Variants in ATRN observed in about 807,000 individuals in gnomAD.
ATRN encodes the protein attractin, also known as attractin-2.
In ATRN, 54 loss-of-function variants were observed where a neutral mutation model predicts 178.7. The observed-to-expected ratio is 0.30, with a 90% CI of 0.24 to 0.38. The LOEUF is 0.38. ATRN is among the 10% of genes least tolerant of loss of function. The probability of loss-of-function intolerance (pLI) is 1.00; values close to 1 mark genes in which losing one functional copy is unlikely to be tolerated. For synonymous variants in ATRN, 636 were observed against 663.0 expected, an observed-to-expected ratio of 0.96 and a Z score of 0.63; for missense variants, 1,443 against 1,815.1, an observed-to-expected ratio of 0.79 and a Z score of 3.73.
At chr20:3,537,323 A>G (rs745542825) in intron 2 of ATRN, among the ~76,000 whole-genome samples, 1 of 152,172 alleles carries the variant, frequency 6.6e-6, no homozygotes, top group Non-Finnish European at 1.5e-5. Flanking sequence ...CCAACTCTGA[A>G]TAACCGTAGT....
chr20:3,586,905 T>C (rs1418052272), intron 18 of ATRN, among the ~76,000 whole-genome samples: 2 of 152,220 alleles, frequency 1.3e-5, no homozygotes, highest in Non-Finnish European at 2.9e-5. Flanking sequence ...CCAATACTTG[T>C]TACTATCTTT....
In ATRN at chr20:3,514,748, C is replaced by G. The variant is rs558928558; in HGVS notation, c.411-20505C>G. 5.9e-5 allele frequency among the ~76,000 whole-genome samples: 9 copies of G among 152,060 alleles called. No individual in the cohort carries two copies. The East Asian group carries it at 1.7e-3, about 29-fold the overall frequency. ...GCTGAGGTGGGAAGATTGCTTGAGG[C>G]CAGGAGTTTGAGACCACCGTGGGCA... On this transcript the variant is annotated intron_variant, in intron 1 of 28. Coordinates refer to ENST00000262919, the MANE Select transcript of ATRN (RefSeq NM_139321.3).
At chr20:3,599,344 A>G (rs1217670737) in intron 22 of ATRN, among the ~76,000 whole-genome samples, 1 of 152,236 alleles carries the variant, frequency 6.6e-6, no homozygotes, top group Non-Finnish European at 1.5e-5. Flanking sequence ...TTAAAAAAAT[A>G]AATATAGTAG....
intron 1 of ATRN, chr20:3,490,298 C>T: frequency 9.2e-7 from 1 of 1,084,292 alleles, no homozygotes; most frequent in Non-Finnish European, 1.4e-6. Context: ...AAGATGGGCT[C>T]CAGCATGGGT....
chr20:3,615,557 C>CTT (rs553919921), intron 24 of ATRN, among the ~76,000 whole-genome samples: 13 of 133,254 alleles, frequency 9.8e-5, no homozygotes, highest in Non-Finnish European at 1.3e-4. Flanking sequence ...TTTCTTTTTT[C>CTT]TTTTTTTTTT....
chr20:3,638,985 G>C lies in ATRN; in HGVS notation c.4050+50G>C. 6.7e-7 allele frequency: 1 copy of C among 1,485,282 alleles called. No individual in the cohort carries two copies. Among genetic ancestry groups the C allele is most frequent in the Non-Finnish European group, 9.3e-7 (1 of 1,079,800 alleles). 92.0% of individuals were successfully genotyped at this position (1,485,282 alleles called of 1,614,324 possible). On this transcript the variant is annotated intron_variant, in intron 27 of 28. Coordinates refer to ENST00000262919, the MANE Select transcript of ATRN (RefSeq NM_139321.3). This position sits in a 1 kb window ranked among gnomAD's most constrained non-coding sequence, Gnocchi z 4.5. ...TATAACTTGACTTTTTAAAACTTAG[G>C]CTCCTAAGTCTGGGAAACCAGAGAG... is the stretch of plus-strand genomic sequence containing the variant.
chr20:3,496,911 T>C (rs539133641), intron 1 of ATRN, among the ~76,000 whole-genome samples: 1 of 151,032 alleles, frequency 6.6e-6, no homozygotes, highest in East Asian at 1.9e-4. Flanking sequence ...TTTACCATTA[T>C]GTAATGGCCT....
intron 1 of ATRN, among the ~76,000 whole-genome samples, chr20:3,525,548 G>T (rs1242204195): frequency 1.3e-5 from 2 of 152,124 alleles, no homozygotes; most frequent in African/African-American, 2.4e-5. Context: ...TAACTCATTT[G>T]ATGAGGCCAG....
intron 18 of ATRN, among the ~76,000 whole-genome samples, chr20:3,585,088 A>G (rs1402058576): frequency 1.3e-5 from 2 of 152,204 alleles, no homozygotes; most frequent in East Asian, 3.9e-4. Flanking sequence ...TAAGAAACCA[A>G]TTCTAAGAAA....
intron 3 of ATRN, among the ~76,000 whole-genome samples, chr20:3,545,266 G>A (rs973603953): frequency 1.3e-5 from 2 of 151,474 alleles, no homozygotes; most frequent in Middle Eastern, 3.4e-3. Context: ...TACTCAGGAG[G>A]CTGATGCAGG....
intron 1 of ATRN, among the ~76,000 whole-genome samples, chr20:3,530,285 A>T (rs991067208): frequency 6.7e-6 from 1 of 149,076 alleles, no homozygotes; most frequent in South Asian, 2.1e-4. Flanking sequence ...TCTTTTGGAG[A>T]CAGAGTTTTG....
At chr20:3,482,272 CAAAA>C (rs796841030) in intron 1 of ATRN, among the ~76,000 whole-genome samples, 4 of 139,660 alleles carry the variant, frequency 2.9e-5, no homozygotes, top group Admixed American at 7.1e-5. Context: ...GAGTTGTAGA[CAAAA>C]AAAAAAGACA....
At chr20:3,578,860 A>T in intron 15 of ATRN, 88 bp downstream of exon 15, 1 of 1,294,144 alleles carries the variant, frequency 7.7e-7, no homozygotes, top group Non-Finnish European at 1.1e-6. Context: ...AAGGCTGTGG[A>T]TATGTGTGAC....
chr20:3,634,246 G>T, intron 25 of ATRN, 65 bp from the exon 26 acceptor site: 6 of 1,502,582 alleles, frequency 4.0e-6, no homozygotes, highest in Non-Finnish European at 5.5e-6. Context: ...GGCCTGAGGT[G>T]TGGGCAACGG....
rs926819651 is a variant in ATRN at position 3,645,253 on chromosome 20, C to T, written c.4165+985C>T. Among the ~76,000 whole-genome samples the T allele has an allele frequency of 4.6e-5, 7 of 152,222 alleles. No individual in the cohort carries two copies. Among genetic ancestry groups the T allele is most frequent in the Non-Finnish European group, 8.8e-5 (6 of 68,042 alleles). On this transcript the variant is annotated intron_variant, in intron 28 of 28. Coordinates refer to ENST00000262919, the MANE Select transcript of ATRN (RefSeq NM_139321.3). This position sits in a 1 kb window ranked among gnomAD's most constrained non-coding sequence, Gnocchi z 4.7. ...CCTGAGCTCCACTGTCCCTTCAGTGCACCCTCAGACCCAGAAGATCCTCCA... is the reference window on the plus strand; with the variant it reads ...CCTGAGCTCCACTGTCCCTTCAGTGTACCCTCAGACCCAGAAGATCCTCCA...
intron 1 of ATRN, among the ~76,000 whole-genome samples, chr20:3,504,487 C>T (rs1217628267): frequency 1.4e-5 from 2 of 143,568 alleles, no homozygotes; most frequent in Non-Finnish European, 3.0e-5. Context: ...ACCAGCCTGA[C>T]CAACATGGTG....
chr20:3,508,679 A>G (rs1183837792), intron 1 of ATRN, among the ~76,000 whole-genome samples: 1 of 152,244 alleles, frequency 6.6e-6, no homozygotes, highest in Non-Finnish European at 1.5e-5. Flanking sequence ...AGAAGGAAAT[A>G]CAGAGATTCT....
chr20:3,574,915 C>G (rs653196), intron 12 of ATRN, among the ~76,000 whole-genome samples: 5 of 151,772 alleles, frequency 3.3e-5, no homozygotes, highest in Non-Finnish European at 7.4e-5. Flanking sequence ...TGTGCCATGT[C>G]CACGAGATGG....
In ATRN at chr20:3,547,416, C is replaced by T. The variant is rs748332214; in HGVS notation, c.870C>T (p.Asn290=). The change falls in exon 5 of 29, where the codon AAC becomes AAT. Residue 290 remains asparagine (N), a synonymous_variant. Coordinates refer to ENST00000262919, the MANE Select transcript of ATRN (RefSeq NM_139321.3). ...GTGACATTCCTCACTGTACAGACAACTGTGGTTTTCCTCATCGAGGCATCT... is the reference window on the plus strand; with the variant it reads ...GTGACATTCCTCACTGTACAGACAATTGTGGTTTTCCTCATCGAGGCATCT... ...EACDIPHCTD[N]CGFPHRGICN... is the part of the protein sequence containing the mutation. The T allele has an allele frequency of 6.8e-6, 11 of 1,614,116 alleles. No individual in the cohort carries two copies. The Admixed American group carries it at 1.8e-4, about 27-fold the overall frequency.
Sources: gnomAD v4.1 joint callset for allele counts (sites outside exome capture counted in the v4.1 genomes callset) on GRCh38, gnomAD v4.1.1 for gene constraint, Gnocchi (gnomAD v3.1) non-coding constraint, MANE v1.5 for transcripts, NCBI Gene and HGNC (gene_info 2026-07-23, HGNC 2026-07-21) for gene names.